Variants in BICRA observed in about 807,000 individuals in gnomAD.
BICRA encodes BRD4 interacting chromatin remodeling complex associated protein.
Under a neutral mutation model 96.9 loss-of-function variants are expected in BICRA, and 31 were observed. That is an observed-to-expected ratio of 0.32 (90% CI 0.24 to 0.43). The LOEUF is 0.43. BICRA is among the 20% of genes least tolerant of loss of function. The pLI, the probability that BICRA is intolerant of heterozygous loss-of-function variation, is 1.00. For synonymous variants in BICRA, 1,350 were observed against 1,071.8 expected (o/e 1.26, Z -5.07); for missense variants, 2,283 against 2,190.3 (o/e 1.04, Z -0.84).
At chr19:47,670,195 A>C (rs10413776) in intron 1 of BICRA, among the ~76,000 whole-genome samples, 49,841 of 138,994 alleles carry the variant, frequency 0.36, 10,469 homozygotes, top group African/African-American at 0.62. Context: ...CTCCAGTGAT[A>C]CTCCTGCCTC....
At chr19:47,639,661 A>T (rs1972355929) in intron 1 of BICRA, among the ~76,000 whole-genome samples, 2 of 109,426 alleles carry the variant, frequency 1.8e-5, no homozygotes. Flanking sequence ...TTTTTAAGAG[A>T]CAGGGTTTCT....
At chr19:47,638,808 C>G (rs549807101) in intron 1 of BICRA, among the ~76,000 whole-genome samples, 5 of 152,216 alleles carry the variant, frequency 3.3e-5, no homozygotes, top group Admixed American at 3.3e-4. Flanking sequence ...GTGGCCGCCA[C>G]CATGCCCGGC....
chr19:47,661,003 A>G (rs964980971), intron 1 of BICRA, among the ~76,000 whole-genome samples: 3 of 152,010 alleles, frequency 2.0e-5, no homozygotes, highest in African/African-American at 7.2e-5. Flanking sequence ...AGGTCAAGAG[A>G]TTGAGACTAT....
chr19:47,640,895 A>T (rs561921182), intron 1 of BICRA, among the ~76,000 whole-genome samples: 21 of 95,220 alleles, frequency 2.2e-4, no homozygotes, highest in Admixed American at 6.3e-4. Context: ...TCAGAGTCAG[A>T]TTTTTTTTTT....
At chr19:47,655,611 G>C (rs1046979704) in intron 1 of BICRA, among the ~76,000 whole-genome samples, 10 of 151,290 alleles carry the variant, frequency 6.6e-5, no homozygotes, top group Non-Finnish European at 1.5e-4. Context: ...CCAGCACTTT[G>C]GGAGGCTGAG....
rs73943839 is a variant in BICRA at position 47,652,588 on chromosome 19, T to C, written c.-107-17855T>C. ...GAATCCCAGGTTCTAATCTCATTGC[T>C]TCCTCTTACTACTCGTGGCTTTTTA... On this transcript the variant is annotated intron_variant, in intron 1 of 14. Coordinates refer to ENST00000594866, the MANE Select transcript of BICRA (RefSeq NM_001394372.1). 7.1e-3 allele frequency among the ~76,000 whole-genome samples: 1,088 copies of C among 152,328 alleles called. 21 individuals are homozygous for C. Among genetic ancestry groups the C allele is most frequent in the African/African-American group, 0.024 (1,015 of 41,580 alleles).
intron 1 of BICRA, among the ~76,000 whole-genome samples, chr19:47,610,697 CA>C (rs1971893091): frequency 6.6e-6 from 1 of 151,746 alleles, no homozygotes; most frequent in Non-Finnish European, 1.5e-5. Context: ...TTACGGAGGG[CA>C]CTTGAAAGGG....
rs1260304062 is a variant in BICRA, at chr19:47,664,377, A to G, written c.-107-6066A>G. ...AAGGACACTGTGTCATTGTTGCGTCATGGCTGTTCTCTGGAGCTGGTTGTG... is the reference window on the plus strand; with the variant it reads ...AAGGACACTGTGTCATTGTTGCGTCGTGGCTGTTCTCTGGAGCTGGTTGTG... On this transcript the variant is annotated intron_variant, in intron 1 of 14. Transcript: ENST00000594866. Among the ~76,000 whole-genome samples, 3 of 152,138 alleles carry G rather than the reference A, an allele frequency of 2.0e-5. No individual in the cohort carries two copies. The South Asian group carries it at 6.2e-4, about 31-fold the overall frequency.
At chr19:47,613,851 G>A (rs868327345) in intron 1 of BICRA, among the ~76,000 whole-genome samples, 1 of 152,066 alleles carries the variant, frequency 6.6e-6, no homozygotes, top group South Asian at 2.1e-4. Flanking sequence ...TTCCCCAGTG[G>A]AGAGGGAGAG....
intron 1 of BICRA, among the ~76,000 whole-genome samples, chr19:47,620,667 C>CAAAAAAA (rs10675281): frequency 1.0e-4 from 7 of 67,594 alleles, no homozygotes; most frequent in African/African-American, 2.6e-4. Context: ...GAGACTGTCT[C>CAAAAAAA]AAAAAAAAAA....
At chr19:47,664,644 G>A (rs1309022811) in intron 1 of BICRA, among the ~76,000 whole-genome samples, 4 of 152,356 alleles carry the variant, frequency 2.6e-5, no homozygotes, top group South Asian at 4.1e-4. Context: ...CAGGCAATGC[G>A]GGCTCTTCAG....
chr19:47,672,577 GTGGA>G (rs57088975), intron 2 of BICRA, among the ~76,000 whole-genome samples: 20 of 150,192 alleles, frequency 1.3e-4, no homozygotes, highest in East Asian at 6.0e-4. Context: ...AGATAAAGAA[GTGGA>G]TGGATGGATG....
At chr19:47,652,671 T>A (rs1267549229) in intron 1 of BICRA, among the ~76,000 whole-genome samples, 1 of 152,252 alleles carries the variant, frequency 6.6e-6, no homozygotes, top group Non-Finnish European at 1.5e-5. Flanking sequence ...GCTTAAATAC[T>A]CTCTTATTTT....
At chr19:47,648,999 C>T (rs1416067617) in intron 1 of BICRA, among the ~76,000 whole-genome samples, 1 of 151,740 alleles carries the variant, frequency 6.6e-6, no homozygotes, top group Non-Finnish European at 1.5e-5. Context: ...CTACAGGCAC[C>T]CACCACCACA....
chr19:47,619,045 G>C (rs957028432), intron 1 of BICRA, among the ~76,000 whole-genome samples: 7 of 152,168 alleles, frequency 4.6e-5, no homozygotes, highest in African/African-American at 1.7e-4. Context: ...GCCCGGCCTG[G>C]GTGCGGGAGT....
chr19:47,674,560 G>GA (rs1201993956), intron 4 of BICRA, among the ~76,000 whole-genome samples: 1 of 152,146 alleles, frequency 6.6e-6, no homozygotes, highest in East Asian at 1.9e-4. Flanking sequence ...TGAAGGTCAG[G>GA]AATCTGGGAG....
In BICRA at chr19:47,702,497, CTCGAGCCGGGGA is replaced by C. The variant is rs1170684017; in HGVS notation, c.*85_*96del. ...GTGTCCGCCCTCAGCCTCCTGGGGA[CTCGAGCCGGGGA>C]TCCCCTGACGGTTTTTCTTGCCTAA... On this transcript the variant is annotated 3_prime_UTR_variant, in exon 15 of 15. Coordinates refer to ENST00000594866, the MANE Select transcript of BICRA (RefSeq NM_001394372.1). 7.3e-7 allele frequency: 1 copy of C among 1,375,634 alleles called. No homozygotes were observed. The highest frequency in any genetic ancestry group is 1.5e-5 in the African/African-American group (1 of 65,038). The allele number at this position is 1,375,634 out of a possible 1,614,324, so 85.2% of individuals were successfully genotyped here.
At chr19:47,629,899 C>G (rs1374480542) in intron 1 of BICRA, among the ~76,000 whole-genome samples, 2 of 152,126 alleles carry the variant, frequency 1.3e-5, no homozygotes, top group Non-Finnish European at 1.5e-5. Flanking sequence ...CTCAGGTGAT[C>G]CACCCGCTGT....
At chr19:47,683,709 C>T (rs888522224) in intron 7 of BICRA, among the ~76,000 whole-genome samples, 7 of 151,980 alleles carry the variant, frequency 4.6e-5, no homozygotes, top group African/African-American at 1.2e-4. Context: ...CTCAGCCTCC[C>T]GAGTAGCTGG....
Sources: allele counts gnomAD v4.1 joint callset (sites outside exome capture counted in the v4.1 genomes callset), GRCh38; gene constraint gnomAD v4.1.1; transcripts MANE v1.5; gene names NCBI Gene and HGNC (gene_info 2026-07-23, HGNC 2026-07-21).